Variants in MYO5B observed in about 807,000 individuals in gnomAD.
MYO5B encodes unconventional myosin-Vb.
In MYO5B, 143 loss-of-function variants were observed where a neutral mutation model predicts 229.3. That is an observed-to-expected ratio of 0.62 (90% CI 0.54 to 0.72). MYO5B has a LOEUF of 0.72. MYO5B is among the 30% of genes least tolerant of loss of function. The probability of loss-of-function intolerance (pLI) is 0.00; values close to 1 mark genes in which losing one functional copy is unlikely to be tolerated. For synonymous variants in MYO5B, 918 were observed against 885.2 expected, an observed-to-expected ratio of 1.04 and a Z score of -0.66; for missense variants, 2,321 against 2,331.0, an observed-to-expected ratio of 1.00 and a Z score of 0.09.
intron 22 of MYO5B, among the ~76,000 whole-genome samples, chr18:49,890,440 A>T (rs1029977606): frequency 6.6e-6 from 1 of 152,208 alleles, no homozygotes; most frequent in Non-Finnish European, 1.5e-5. Flanking sequence ...CTAAAAGCTT[A>T]TTTGGGACAG....
intron 1 of MYO5B, among the ~76,000 whole-genome samples, chr18:50,152,864 TAAAAAAAAA>T (rs67858852): frequency 8.0e-6 from 1 of 125,442 alleles, no homozygotes; most frequent in Non-Finnish European, 1.7e-5. Context: ...TTCTCAAAAC[TAAAAAAAAA>T]AAAAAAAAAA....
Position 49,864,158 on chromosome 18 carries a change from G to A in MYO5B, c.3826C>T (p.Leu1276Phe). 6.2e-7 allele frequency: 1 copy of A among 1,610,070 alleles called. No homozygotes were observed. Among genetic ancestry groups the A allele is most frequent in the African/African-American group, 1.3e-5 (1 of 75,066 alleles). ...TQIVSADQRR[L>F]AGRNAEPNIN... The stretch of plus-strand genomic sequence containing the variant: ...CTTGTTACCGCGTTCCTGCCGGCGA[G>A]TCGCCGCTGGTCGGCGCTCACGATC... Residue 1276 changes from leucine to phenylalanine, a missense_variant, in exon 28 of 40, where the codon CTC (leucine) becomes TTC (phenylalanine). Around this residue, in one of 2 missense-constraint regions of MYO5B, gnomAD observed 2,113 missense variants for 2,044.7 expected, o/e 1.03. Transcript: ENST00000285039.
chr18:49,962,918 T>C (rs773439914), intron 11 of MYO5B, 31 bp downstream of exon 11: 1 of 1,590,096 alleles, frequency 6.3e-7, no homozygotes. Flanking sequence ...CCCCCAATCC[T>C]GGTACCCCCA....
chr18:49,898,691 T>G (rs973985042), intron 21 of MYO5B, among the ~76,000 whole-genome samples: 1 of 152,226 alleles, frequency 6.6e-6, no homozygotes, highest in South Asian at 2.1e-4. Flanking sequence ...TTGAACTGCA[T>G]GGTTCTTTTC....
At chr18:50,081,862 G>C (rs541145706) in intron 1 of MYO5B, among the ~76,000 whole-genome samples, 161 of 152,200 alleles carry the variant, frequency 1.1e-3, no homozygotes, top group South Asian at 5.2e-3. Flanking sequence ...AGAAGGGTTT[G>C]AGGCTAGCCT....
At chr18:50,038,574 C>A (rs1460974791) in intron 3 of MYO5B, among the ~76,000 whole-genome samples, 2 of 152,152 alleles carry the variant, frequency 1.3e-5, no homozygotes, top group Non-Finnish European at 2.9e-5. Flanking sequence ...TCACGTAGCA[C>A]GCAATTCACA....
intron 25 of MYO5B, chr18:49,876,294 C>G (rs933843320): frequency 3.6e-6 from 1 of 277,994 alleles, no homozygotes; most frequent in African/African-American, 2.2e-5. Flanking sequence ...GGAATCAATG[C>G]TTGCTCTGCC....
At chr18:49,910,541 A>G (rs1207516564) in intron 18 of MYO5B, among the ~76,000 whole-genome samples, 1 of 152,036 alleles carries the variant, frequency 6.6e-6, no homozygotes, top group African/African-American at 2.4e-5. Context: ...CCCTTGATTA[A>G]CCAGCCTGTT....
intron 1 of MYO5B, among the ~76,000 whole-genome samples, chr18:50,074,130 T>C (rs1351418981): frequency 1.3e-5 from 2 of 152,152 alleles, no homozygotes; most frequent in South Asian, 2.1e-4. Flanking sequence ...CTCAGAATCA[T>C]GGCAAAAGGC....
At chr18:50,176,968 A>G (rs1454990016) in intron 1 of MYO5B, among the ~76,000 whole-genome samples, 1 of 152,232 alleles carries the variant, frequency 6.6e-6, no homozygotes, top group African/African-American at 2.4e-5. Flanking sequence ...CCAGGACCAT[A>G]GAAATTGTAG....
At chr18:49,978,730 CACACACACACACACAA>C (rs1249663204) in intron 9 of MYO5B, among the ~76,000 whole-genome samples, 2 of 147,588 alleles carry the variant, frequency 1.4e-5, no homozygotes, top group African/African-American at 5.3e-5. Context: ...CACACACACA[CACACACACACACACAA>C]AATGCTCAGC....
chr18:49,932,341 C>T (rs758197975), intron 16 of MYO5B, among the ~76,000 whole-genome samples: 4 of 152,190 alleles, frequency 2.6e-5, no homozygotes, highest in Non-Finnish European at 5.9e-5. Flanking sequence ...CTTAGAGTCT[C>T]CACACAGCGT....
intron 28 of MYO5B, 89 bp from the exon 29 acceptor site, chr18:49,863,416 G>T: frequency 8.9e-7 from 1 of 1,129,350 alleles, no homozygotes; most frequent in Non-Finnish European, 1.3e-6. Context: ...ACATGCCTTT[G>T]GGAAAAGACA....
At chr18:49,976,214 G>T (rs1400839668) in intron 9 of MYO5B, among the ~76,000 whole-genome samples, 1 of 152,166 alleles carries the variant, frequency 6.6e-6, no homozygotes, top group East Asian at 1.9e-4. Context: ...TTTCTGATGA[G>T]GCTGACTTGT....
At chr18:49,972,085 T>C in intron 10 of MYO5B, among the ~76,000 whole-genome samples, 1 of 152,066 alleles carries the variant, frequency 6.6e-6, no homozygotes, top group African/African-American at 2.4e-5. Flanking sequence ...CGGAAGCCAC[T>C]CTGAGATGAA....
intron 14 of MYO5B, among the ~76,000 whole-genome samples, chr18:49,948,751 C>A (rs2025401538): frequency 6.6e-6 from 1 of 151,666 alleles, no homozygotes; most frequent in Non-Finnish European, 1.5e-5. Context: ...CCTTGACAAG[C>A]TGAAGTCAAG....
intron 1 of MYO5B, among the ~76,000 whole-genome samples, chr18:50,183,751 C>T (rs982973620): frequency 6.8e-6 from 1 of 147,368 alleles, no homozygotes; most frequent in East Asian, 2.1e-4. Context: ...GGGTGGGAGG[C>T]GGGGCCTAGT....
At chr18:49,859,663 T>C (rs886393117) in intron 29 of MYO5B, among the ~76,000 whole-genome samples, 1 of 152,184 alleles carries the variant, frequency 6.6e-6, no homozygotes, top group African/African-American at 2.4e-5. Context: ...TAATATGACC[T>C]AGCCATGAAA....
intron 5 of MYO5B, among the ~76,000 whole-genome samples, chr18:49,997,836 T>G (rs1300961049): frequency 6.6e-6 from 1 of 152,144 alleles, no homozygotes; most frequent in Non-Finnish European, 1.5e-5. Flanking sequence ...CTGCAGCTGC[T>G]GGGCAGCAGA....
Sources: gnomAD v4.1 joint callset for allele counts (sites outside exome capture counted in the v4.1 genomes callset) on GRCh38, gnomAD v4.1.1 for gene constraint, gnomAD v4.1.1 regional missense constraint, MANE v1.5 for transcripts, NCBI Gene and HGNC (gene_info 2026-07-23, HGNC 2026-07-21) for gene names.